The following DNAH12 variants were observed in gnomAD, a reference collection of about 807,000 sequenced individuals.
DNAH12 encodes axonemal beta dynein heavy chain 12.
In DNAH12, 285 loss-of-function variants were observed where a neutral mutation model predicts 371.5. The observed-to-expected ratio is 0.77, with a 90% CI of 0.70 to 0.85. The LOEUF (loss-of-function observed/expected upper bound fraction) is 0.85. Ranked by LOEUF, DNAH12 falls within the 40% of genes least tolerant of loss-of-function variation. The pLI, the probability that DNAH12 is intolerant of heterozygous loss-of-function variation, is 0.00. For synonymous variants in DNAH12, 1,200 were observed against 1,213.0 expected, an observed-to-expected ratio of 0.99 and a Z score of 0.22; for missense variants, 3,611 against 3,689.4, an observed-to-expected ratio of 0.98 and a Z score of 0.55.
intron 10 of DNAH12, 86 bp from the exon 11 acceptor site, chr3:57,501,498 C>G (rs1417343682): frequency 1.2e-6 from 1 of 863,896 alleles, no homozygotes; most frequent in Non-Finnish European, 1.8e-6. Flanking sequence ...GGAATGGGGA[C>G]CTACTCAATT....
At chr3:57,460,251 C>T (rs1353745005) in intron 19 of DNAH12, among the ~76,000 whole-genome samples, 2 of 151,954 alleles carry the variant, frequency 1.3e-5, no homozygotes, top group Admixed American at 1.3e-4. Context: ...AAGACAGCCC[C>T]CATCACAGAG....
rs201881351 is a variant in DNAH12 at position 57,323,237 on chromosome 3, T to C, written c.10153A>G (p.Lys3385Glu). The C allele has an allele frequency of 1.4e-5, 21 of 1,551,598 alleles. No homozygotes were observed. Among genetic ancestry groups the C allele is most frequent in the Non-Finnish European group, 2.6e-6 (3 of 1,147,054 alleles). The change falls in exon 64 of 74, where the codon AAA becomes GAA. Residue 3385 changes from lysine (K) to glutamate (E), a missense_variant. Around this residue, in one of 3 missense-constraint regions of DNAH12, gnomAD observed 2,266 missense variants for 2,236.9 expected, o/e 1.01. Coordinates refer to ENST00000495027, the MANE Select transcript of DNAH12 (RefSeq NM_001366028.2). ...MASLLKFAND[K>E]SMSGNKFQAI... Reference sequence around the variant, plus strand: ...TGAAACTTATTTCCAGACATAGATTTATCATTTGCAAATTTCAGCAGGCCT... The same window carrying C: ...TGAAACTTATTTCCAGACATAGATTCATCATTTGCAAATTTCAGCAGGCCT...
At chr3:57,499,298 G>GT (rs1403749835) in intron 11 of DNAH12, among the ~76,000 whole-genome samples, 8 of 151,946 alleles carry the variant, frequency 5.3e-5, no homozygotes, top group Non-Finnish European at 8.8e-5. Context: ...TGATGGTTAC[G>GT]TAAGTGTACA....
chr3:57,347,446 GA>G (rs2062568330), intron 60 of DNAH12, among the ~76,000 whole-genome samples: 1 of 152,056 alleles, frequency 6.6e-6, no homozygotes, highest in Non-Finnish European at 1.5e-5. Context: ...CTGGGCACAG[GA>G]GCTCACACCT....
At chr3:57,352,053 TA>T in intron 60 of DNAH12, 31 bp downstream of exon 60, 3 of 1,485,986 alleles carry the variant, frequency 2.0e-6, no homozygotes, top group Non-Finnish European at 2.7e-6. Context: ...GTTTTAAAAA[TA>T]AATAAATTAT....
At chr3:57,445,513 T>G (rs2065457662) in intron 27 of DNAH12, 94 bp from the exon 28 acceptor site, 2 of 1,124,150 alleles carry the variant, frequency 1.8e-6, no homozygotes, top group Non-Finnish European at 2.3e-6. Flanking sequence ...TTGTCAAGTT[T>G]ATTCTCCAAA....
chr3:57,500,737 A>G (rs1164549671), intron 11 of DNAH12, among the ~76,000 whole-genome samples: 1 of 152,146 alleles, frequency 6.6e-6, no homozygotes, highest in Non-Finnish European at 1.5e-5. Flanking sequence ...TCCAGGCCAA[A>G]TATAAGCTCC....
At chr3:57,555,917 C>T in the DNAH12 span, among the ~76,000 whole-genome samples, 18 of 152,232 alleles carry the variant, frequency 1.2e-4, no homozygotes, top group Non-Finnish European at 2.5e-4. Flanking sequence ...GCTCGCAATC[C>T]GGGTGGAGGC....
At chr3:57,307,791 C>T (rs2061502887) in intron 69 of DNAH12, among the ~76,000 whole-genome samples, 1 of 152,130 alleles carries the variant, frequency 6.6e-6, no homozygotes, top group Non-Finnish European at 1.5e-5. Context: ...CTCTGATCCA[C>T]CTGACATTCA....
At chr3:57,322,290 C>T in intron 65 of DNAH12, 53 bp downstream of exon 65, 1 of 1,441,168 alleles carries the variant, frequency 6.9e-7, no homozygotes, top group Admixed American at 2.8e-5. Flanking sequence ...TTTACACTTC[C>T]ATATTTGATC....
rs117698220 is a variant in DNAH12 at position 57,498,524 on chromosome 3, C to A, written c.1335+2797G>T. ...GTTAAAAATACACTTCCCATACCAC[C>A]CAGCAATCCAGCTCCTAGAAAGAGA... On this transcript the variant is annotated intron_variant, in intron 11 of 73. Coordinates refer to ENST00000495027, the MANE Select transcript of DNAH12 (RefSeq NM_001366028.2). 537 of 716,744 alleles carry A rather than the reference C, an allele frequency of 7.5e-4. 2 individuals are homozygous for A. The East Asian group carries it at 0.013, about 17-fold the overall frequency. 44.4% of individuals were successfully genotyped at this position (716,744 alleles called of 1,614,324 possible).
At chr3:57,347,937 C>A (rs1207384983) in intron 60 of DNAH12, among the ~76,000 whole-genome samples, 1 of 152,072 alleles carries the variant, frequency 6.6e-6, no homozygotes, top group Admixed American at 6.6e-5. Context: ...AATGGTACGG[C>A]CACTCAGGAA....
At chr3:57,381,665 G>A (rs1044582431) in intron 50 of DNAH12, among the ~76,000 whole-genome samples, 1 of 151,808 alleles carries the variant, frequency 6.6e-6, no homozygotes, top group Admixed American at 6.6e-5. Flanking sequence ...AGTGGGGTCC[G>A]GATTTCTGAA....
chr3:57,447,799 G>A (rs111670053), intron 25 of DNAH12, among the ~76,000 whole-genome samples: 1,589 of 152,014 alleles, frequency 0.01, 18 homozygotes, highest in African/African-American at 0.036. Flanking sequence ...TCAGCCTCCC[G>A]AGTAGCGAGG....
chr3:57,551,540 G>A, the DNAH12 span, among the ~76,000 whole-genome samples: 1 of 152,136 alleles, frequency 6.6e-6, no homozygotes, highest in Admixed American at 6.6e-5. Context: ...AAAGTGCTGG[G>A]ATTACAGGCA....
Position 57,302,554 on chromosome 3 carries a change from TATA to T in DNAH12, c.11190-618_11190-616del, listed in dbSNP as rs1559535329. On this transcript the variant is annotated intron_variant, in intron 69 of 73. Coordinates refer to ENST00000495027, the MANE Select transcript of DNAH12 (RefSeq NM_001366028.2). ...GTATATATATATATATATATATATA[TATA>T]TATATATGTATTTTTTTTTTTTTTT... 1.4e-4 allele frequency among the ~76,000 whole-genome samples: 14 copies of T among 98,402 alleles called. 1 individual carries two copies. The highest frequency in any genetic ancestry group is 4.2e-4 in the African/African-American group (11 of 26,390). 64.6% of individuals were successfully genotyped at this position (98,402 alleles called of 152,430 possible).
chr3:57,357,525 A>G (rs2062827732), intron 58 of DNAH12, among the ~76,000 whole-genome samples, 177 bp from the exon 59 acceptor site: 1 of 152,210 alleles, frequency 6.6e-6, no homozygotes, highest in Non-Finnish European at 1.5e-5. Flanking sequence ...AAAGAAAACA[A>G]AAGGGGATGA....
intron 29 of DNAH12, among the ~76,000 whole-genome samples, chr3:57,444,188 C>A (rs4368476): frequency 0.08 from 12,088 of 151,640 alleles, 1,612 homozygotes; most frequent in African/African-American, 0.27. Context: ...GCAACAAGAG[C>A]AAAACTCTGT....
At chr3:57,312,748 T>C (rs1418081846) in intron 66 of DNAH12, among the ~76,000 whole-genome samples, 1 of 152,220 alleles carries the variant, frequency 6.6e-6, no homozygotes, top group Admixed American at 6.6e-5. Context: ...CGAAAACCAA[T>C]GTTTAAAATC....
Sources: allele counts gnomAD v4.1 joint callset (sites outside exome capture counted in the v4.1 genomes callset), GRCh38; gene constraint gnomAD v4.1.1; regional missense constraint gnomAD v4.1.1; transcripts MANE v1.5; gene names NCBI Gene and HGNC (gene_info 2026-07-23, HGNC 2026-07-21).